DYSF: variants seen among roughly 807,000 people sequenced by gnomAD.
DYSF encodes the protein dysferlin.
A neutral mutation model predicts 274.9 loss-of-function variants in DYSF; 212 were observed. The observed-to-expected ratio is 0.77, with a 90% confidence interval of 0.69 to 0.86. The LOEUF is 0.86. DYSF is among the 40% of genes least tolerant of loss of function. The pLI, the probability that DYSF is intolerant of heterozygous loss-of-function variation, is 0.00. For synonymous variants in DYSF, 1,091 were observed against 1,078.7 expected, an observed-to-expected ratio of 1.01 and a Z score of -0.22; for missense variants, 2,666 against 2,783.2, an observed-to-expected ratio of 0.96 and a Z score of 0.95.
intron 7 of DYSF, among the ~76,000 whole-genome samples, chr2:71,515,274 T>A (rs1450989297): frequency 6.6e-6 from 1 of 152,086 alleles, no homozygotes; most frequent in Non-Finnish European, 1.5e-5. Flanking sequence ...TAAAGAATAT[T>A]CAAGCCACTT....
At chr2:71,588,416 G>A in intron 30 of DYSF, among the ~76,000 whole-genome samples, 1 of 152,146 alleles carries the variant, frequency 6.6e-6, no homozygotes, top group East Asian at 1.9e-4. Flanking sequence ...GGCATGGTTT[G>A]GAGAGCAGGG....
In DYSF at chr2:71,568,026, G is replaced by T; in HGVS notation, c.2641G>T (p.Asp881Tyr). 1 of 1,614,208 alleles carries T rather than the reference G, an allele frequency of 6.2e-7. No homozygotes were observed. The highest frequency in any genetic ancestry group is 8.5e-7 in the Non-Finnish European group (1 of 1,180,036). Residue 881 changes from aspartate (D) to tyrosine (Y), a missense_variant, in exon 25 of 56, where the codon GAT becomes TAT. Physicochemically the swap from Asp to Tyr is radical, Grantham distance 160. Coordinates refer to ENST00000410020, the MANE Select transcript of DYSF (RefSeq NM_001130987.2). ...CAAGCTGTGGTTTGGGCTCTCAGTG[G>T]ATGAGAAGGAGTTCAACCAGTTTGC... ...RVKLWFGLSVDEKEFNQFAEG... is the reference protein window; with the variant it reads ...RVKLWFGLSVYEKEFNQFAEG...
At chr2:71,680,639 A>G (rs950426944) in intron 53 of DYSF, among the ~76,000 whole-genome samples, 9 of 152,216 alleles carry the variant, frequency 5.9e-5, no homozygotes, top group African/African-American at 2.2e-4. Context: ...TAAAAACCGA[A>G]CTTTAAAGAA....
intron 12 of DYSF, 60 bp downstream of exon 12, chr2:71,520,964 C>T (rs1465040415): frequency 1.7e-5 from 24 of 1,386,220 alleles, no homozygotes; most frequent in Non-Finnish European, 2.3e-5. Flanking sequence ...GTTGCGGAGG[C>T]ACCAAACCAC....
intron 42 of DYSF, among the ~76,000 whole-genome samples, chr2:71,652,839 G>C (rs779910811): frequency 3.9e-5 from 6 of 152,300 alleles, no homozygotes; most frequent in African/African-American, 1.2e-4. Context: ...AAAAGGAGGC[G>C]TGAGCATTTG....
At position 71,569,929 on chromosome 2, in the gene DYSF, G is replaced by A. The variant is rs200422222; in HGVS notation, c.2974G>A (p.Asp992Asn). 3.1e-5 allele frequency: 50 copies of A among 1,613,692 alleles called. No homozygotes were observed. Among genetic ancestry groups the A allele is most frequent in the South Asian group, 3.0e-4 (27 of 90,982 alleles). Residue 992 changes from aspartate to asparagine, a missense_variant, in exon 27 of 56, where the codon GAT (aspartate) becomes AAT (asparagine). By Grantham distance (23) the Asp-to-Asn change is conservative. Transcript: ENST00000410020. ...GATCTACATGAGTGACAACTACACC[G>A]ATGTGGTAAAGCAGGCACTCAGGGG... The part of the protein sequence containing the change: ...QWIYMSDNYT[D>N]VNGEKVLPKD...
chr2:71,459,066 TA>T (rs2081181662), intron 1 of DYSF, among the ~76,000 whole-genome samples: 1 of 152,174 alleles, frequency 6.6e-6, no homozygotes, highest in Non-Finnish European at 1.5e-5. Context: ...TGGACTGGGA[TA>T]TCCGCCGGAC....
intron 28 of DYSF, 52 bp from the exon 29 acceptor site, chr2:71,570,547 G>A: frequency 6.2e-7 from 1 of 1,606,082 alleles, no homozygotes; most frequent in Non-Finnish European, 8.5e-7. Flanking sequence ...ATGGTCCCAG[G>A]AGAGATGGGG....
intron 14 of DYSF, among the ~76,000 whole-genome samples, chr2:71,528,693 T>C (rs1232239555): frequency 1.3e-5 from 2 of 151,890 alleles, no homozygotes; most frequent in African/African-American, 4.8e-5. Flanking sequence ...TGGGGGAAAA[T>C]GGAGCAATAG....
chr2:71,492,706 C>T (rs867228760), intron 3 of DYSF, among the ~76,000 whole-genome samples: 2,175 of 141,818 alleles, frequency 0.015, 41 homozygotes, highest in South Asian at 0.064. Flanking sequence ...CCTCCCCCCC[C>T]CCCTTTTCTT....
chr2:71,474,573 C>T (rs1388821214), intron 1 of DYSF, among the ~76,000 whole-genome samples: 1 of 152,194 alleles, frequency 6.6e-6, no homozygotes, highest in Non-Finnish European at 1.5e-5. Context: ...CTTCCCTTTT[C>T]TTGGTGCCTG....
At chr2:71,478,796 C>G (rs1198957604) in intron 1 of DYSF, among the ~76,000 whole-genome samples, 3 of 152,114 alleles carry the variant, frequency 2.0e-5, no homozygotes, top group African/African-American at 7.2e-5. Context: ...CCCTCCCTCC[C>G]TCAGATGGTC....
intron 40 of DYSF, among the ~76,000 whole-genome samples, chr2:71,617,419 A>G: frequency 6.6e-6 from 1 of 152,220 alleles, no homozygotes; most frequent in East Asian, 1.9e-4. Flanking sequence ...TTCTCCGGGA[A>G]GGCGGCCTCT....
intron 42 of DYSF, among the ~76,000 whole-genome samples, chr2:71,652,491 A>G (rs1301995396): frequency 2.0e-5 from 3 of 152,214 alleles, no homozygotes; most frequent in Non-Finnish European, 4.4e-5. Flanking sequence ...AAGAAGCTTC[A>G]TGAGGAATAA....
At chr2:71,536,753 C>T (rs894990106) in intron 16 of DYSF, among the ~76,000 whole-genome samples, 8 of 152,134 alleles carry the variant, frequency 5.3e-5, no homozygotes, top group African/African-American at 1.9e-4. Context: ...GCTGTATTTT[C>T]CAAAAGCAAC....
chr2:71,611,576 A>C lies in DYSF; in HGVS notation c.4171A>C (p.Asn1391His). 1.2e-6 allele frequency: 2 copies of C among 1,613,922 alleles called. No individual in the cohort carries two copies. Among genetic ancestry groups the C allele is most frequent in the South Asian group, 2.2e-5 (2 of 91,072 alleles). ...GQTVQSCVIR[N>H]LRKNPNFDIC... ...GACGGTGCAGTCCTGTGTCATCAGG[A>C]ACCTCCGGAAGAACCCCAACTTTGA... is the stretch of plus-strand genomic sequence containing the variant. Residue 1391 changes from asparagine (N) to histidine (H), a missense_variant, in exon 38 of 56, where the codon AAC (asparagine) becomes CAC (histidine). Physicochemically the swap from Asn to His is moderately conservative, Grantham distance 68 (BLOSUM62 1). Around this residue, in one of 3 missense-constraint regions of DYSF, gnomAD observed 1,460 missense variants for 1,502.1 expected, o/e 0.97. Coordinates refer to ENST00000410020, the MANE Select transcript of DYSF (RefSeq NM_001130987.2).
intron 30 of DYSF, among the ~76,000 whole-genome samples, chr2:71,585,770 C>T (rs1280313136): frequency 6.6e-6 from 1 of 152,122 alleles, no homozygotes; most frequent in Non-Finnish European, 1.5e-5. Flanking sequence ...GTGATGGGTG[C>T]ACGCTGGGCA....
chr2:71,599,685 A>G (rs2093496528), intron 33 of DYSF, among the ~76,000 whole-genome samples: 1 of 152,222 alleles, frequency 6.6e-6, no homozygotes, highest in African/African-American at 2.4e-5. Context: ...CGCAAGGTAA[A>G]GAGGCCCGGC....
intron 22 of DYSF, 110 bp from the exon 23 acceptor site, chr2:71,561,642 A>T: frequency 7.6e-7 from 1 of 1,310,348 alleles, no homozygotes; most frequent in Non-Finnish European, 1.1e-6. Context: ...GGCACCCAGC[A>T]GGCAGGCGGA....
Sources: gnomAD v4.1 joint callset for allele counts (sites outside exome capture counted in the v4.1 genomes callset) on GRCh38, gnomAD v4.1.1 for gene constraint, gnomAD v4.1.1 regional missense constraint, MANE v1.5 for transcripts, NCBI Gene and HGNC (gene_info 2026-07-23, HGNC 2026-07-21) for gene names.